SULF2: variants seen among roughly 807,000 people sequenced by gnomAD.
SULF2 encodes the protein sulfatase 2, also known as extracellular sulfatase Sulf-2.
Under a neutral mutation model 107.7 loss-of-function variants are expected in SULF2, and 52 were observed. The observed-to-expected ratio is 0.48, with a 90% CI of 0.39 to 0.61. SULF2 has a LOEUF of 0.61. Ranked by LOEUF, SULF2 falls within the 20% of genes least tolerant of loss-of-function variation. The probability of loss-of-function intolerance (pLI) is 0.00; values close to 1 mark genes in which losing one functional copy is unlikely to be tolerated. For missense variants in SULF2, 993 were observed against 1,177.3 expected (o/e 0.84, Z 2.29); for synonymous variants, 460 against 464.3 (o/e 0.99, Z 0.12).
chr20:47,664,501 T>G (rs1378260102), intron 14 of SULF2, among the ~76,000 whole-genome samples: 2 of 152,190 alleles, frequency 1.3e-5, no homozygotes, highest in Non-Finnish European at 2.9e-5. Flanking sequence ...CAGCATCCTT[T>G]TTCCTTTCTT....
intron 2 of SULF2, among the ~76,000 whole-genome samples, chr20:47,748,558 C>T (rs952407522): frequency 2.0e-5 from 3 of 152,232 alleles, no homozygotes; most frequent in African/African-American, 7.2e-5. Flanking sequence ...GTGCCAGGAG[C>T]CTGCCTGCCG....
chr20:47,736,964 AAGGCGCAGGGC>A, intron 2 of SULF2, 22 bp from the exon 3 acceptor site: 2 of 1,613,762 alleles, frequency 1.2e-6, no homozygotes, highest in South Asian at 1.1e-5. Context: ...GGGTGGAAGT[AAGGCGCAGGGC>A]AGGAGACCCG....
chr20:47,745,448 T>C (rs2090011011), intron 2 of SULF2, among the ~76,000 whole-genome samples: 1 of 15,570 alleles, frequency 6.4e-5, no homozygotes, highest in Non-Finnish European at 1.0e-4. Context: ...TATATATATA[T>C]ATATATATAC....
intron 11 of SULF2, among the ~76,000 whole-genome samples, chr20:47,668,621 G>T (rs973019210): frequency 2.6e-5 from 4 of 152,226 alleles, no homozygotes; most frequent in Non-Finnish European, 5.9e-5. Flanking sequence ...TCTCAGGATG[G>T]TGCCTACCCT....
At chr20:47,759,664 C>A (rs1447017513) in intron 1 of SULF2, among the ~76,000 whole-genome samples, 1 of 152,200 alleles carries the variant, frequency 6.6e-6, no homozygotes, top group Non-Finnish European at 1.5e-5. Context: ...TGCACTCCAG[C>A]CTGGGTGACA....
intron 2 of SULF2, among the ~76,000 whole-genome samples, chr20:47,748,568 G>A (rs993038326): frequency 6.6e-6 from 1 of 152,198 alleles, no homozygotes; most frequent in African/African-American, 2.4e-5. Flanking sequence ...CCTGCCTGCC[G>A]CCTTCCAGCC....
intron 2 of SULF2, among the ~76,000 whole-genome samples, chr20:47,746,985 A>AAT (rs2090052386): frequency 2.9e-5 from 1 of 34,686 alleles, no homozygotes; most frequent in African/African-American, 1.1e-4. Flanking sequence ...AAATAAATAA[A>AAT]AAAAAAAAAA....
At chr20:47,747,018 T>TATATATAC (rs1232551264) in intron 2 of SULF2, among the ~76,000 whole-genome samples, 14 of 75,118 alleles carry the variant, frequency 1.9e-4, no homozygotes, top group African/African-American at 5.3e-4. Context: ...TATATATATA[T>TATATATAC]ACACACACAC....
intron 2 of SULF2, among the ~76,000 whole-genome samples, chr20:47,738,423 C>G (rs2089798600): frequency 1.3e-5 from 2 of 152,210 alleles, no homozygotes; most frequent in South Asian, 4.1e-4. Flanking sequence ...TGCCCCCGTC[C>G]CCTAAAGATA....
In SULF2 at chr20:47,743,416, C is replaced by T. The variant is rs575966051; in HGVS notation, c.176-6474G>A. ...CTCGACCTCCCCAGGTTCAGGTGAT[C>T]CTCCCACCTCCACCTCCTGAGTAGC... On this transcript the variant is annotated intron_variant, in intron 2 of 20. Transcript: ENST00000688720. Among the ~76,000 whole-genome samples, 3 of 152,132 alleles carry T rather than the reference C, an allele frequency of 2.0e-5. No individual in the cohort carries two copies. The South Asian group carries it at 6.2e-4, about 32-fold the overall frequency.
intron 17 of SULF2, 34 bp downstream of exon 17, chr20:47,663,036 A>T: frequency 1.2e-6 from 2 of 1,613,458 alleles, no homozygotes; most frequent in Non-Finnish European, 1.7e-6. Flanking sequence ...GGTGTACCCC[A>T]CACCCCCATC....
intron 3 of SULF2, among the ~76,000 whole-genome samples, chr20:47,708,951 A>G (rs1371709007): frequency 6.6e-6 from 1 of 152,138 alleles, no homozygotes; most frequent in Non-Finnish European, 1.5e-5. Context: ...TGTATTATTC[A>G]GTCTCCACCA....
rs199730858 is a variant in SULF2, at chr20:47,684,575, C to T, written c.744G>A (p.Pro248=). ...LFPNASQHIT[P]SYNYAPNPDK... ...CCGGGTTGGGCGCGTAGTTGTAGCT[C>T]GGCGTGCTGGTGGGCAAGGACATAC... Residue 248 remains proline (P), a synonymous_variant, in exon 6 of 21, where the codon CCG becomes CCA. Transcript: ENST00000688720. The T allele has an allele frequency of 5.3e-5, 85 of 1,613,642 alleles. No homozygotes were observed. The Middle Eastern group carries it at 8.3e-4, about 16-fold the overall frequency.
In SULF2 at chr20:47,683,122, G is replaced by A. The variant is rs779478106; in HGVS notation, c.936C>T (p.Ile312=). 1.9e-6 allele frequency: 3 copies of A among 1,612,936 alleles called. No homozygotes were observed. Among genetic ancestry groups the A allele is most frequent in the Non-Finnish European group, 1.7e-6 (2 of 1,179,432 alleles). Residue 312 remains isoleucine (I), a synonymous_variant, in exon 7 of 21, where the codon ATC becomes ATT. Coordinates refer to ENST00000688720, the MANE Select transcript of SULF2 (RefSeq NM_001387048.1). ...GGTAACCGTGGTCGGCGGTGTATAC[G>A]ATGTACGTGTTGTCCAGCTCGCCCG... is the stretch of plus-strand genomic sequence containing the variant. ...VETGELDNTY[I]VYTADHGYHI...
chr20:47,669,312 C>T (rs1007124456), intron 11 of SULF2, among the ~76,000 whole-genome samples: 1 of 152,214 alleles, frequency 6.6e-6, no homozygotes, highest in Non-Finnish European at 1.5e-5. Flanking sequence ...GCCAGGATCC[C>T]CGTGGATCAA....
intron 1 of SULF2, among the ~76,000 whole-genome samples, chr20:47,763,224 A>G (rs2090452975): frequency 6.6e-6 from 1 of 152,170 alleles, no homozygotes; most frequent in African/African-American, 2.4e-5. Context: ...GGACCTTGGC[A>G]AAGGCTCGCC....
chr20:47,748,324 TCTC>T (rs1198337544), intron 2 of SULF2, among the ~76,000 whole-genome samples: 2 of 152,120 alleles, frequency 1.3e-5, no homozygotes, highest in African/African-American at 2.4e-5. Flanking sequence ...CACATGAATG[TCTC>T]CTCATGACAC....
At chr20:47,665,353 G>A in intron 13 of SULF2, 60 bp from the exon 14 acceptor site, 1 of 1,127,946 alleles carries the variant, frequency 8.9e-7, no homozygotes, top group South Asian at 1.2e-5. Flanking sequence ...CAAAGACTTG[G>A]CCTGGTGACT....
chr20:47,690,868 C>CAAAAA (rs35385474), intron 4 of SULF2, among the ~76,000 whole-genome samples: 3 of 135,428 alleles, frequency 2.2e-5, no homozygotes, highest in Non-Finnish European at 4.8e-5. Flanking sequence ...GACTCTGACT[C>CAAAAA]AAAAAAAAAA....
Sources: gnomAD v4.1 joint callset for allele counts (sites outside exome capture counted in the v4.1 genomes callset) on GRCh38, gnomAD v4.1.1 for gene constraint, MANE v1.5 for transcripts, NCBI Gene and HGNC (gene_info 2026-07-23, HGNC 2026-07-21) for gene names.